Variants in CDYL observed in about 807,000 individuals in gnomAD.
CDYL encodes chromodomain Y-like protein.
CDYL carries 8 observed loss-of-function variants against 47.3 expected under a neutral mutation model. The ratio of observed to expected loss-of-function variants is 0.17; its 90% CI spans 0.10 to 0.31. The LOEUF (loss-of-function observed/expected upper bound fraction) is 0.31, where lower values mean the gene tolerates loss of function less well. CDYL is among the 10% of genes least tolerant of loss of function. The pLI is 1.00. For synonymous variants in CDYL, 266 were observed against 265.0 expected (o/e 1.00, Z -0.04); for missense variants, 471 against 701.4 (o/e 0.67, Z 3.71).
chr6:4,723,980 C>A (rs1167056415), intron 2 of CDYL, among the ~76,000 whole-genome samples: 1 of 152,132 alleles, frequency 6.6e-6, no homozygotes, highest in African/African-American at 2.4e-5. Flanking sequence ...TTTATGTATC[C>A]GTGAAATTAT....
rs183558709 is a variant in CDYL, at chr6:4,951,000, C to T, written c.1333-1266C>T. On this transcript the variant is annotated intron_variant, in intron 5 of 6. Coordinates refer to ENST00000397588, the MANE Select transcript of CDYL (RefSeq NM_004824.4). ...CCCCAGCCCTGTTTTCCAGCCTCTG[C>T]CTGCATGGGAGGGGCAGTGAGTCAG... Among the ~76,000 whole-genome samples, 36 of 152,028 alleles carry T rather than the reference C, an allele frequency of 2.4e-4. 1 individual carries two copies. The East Asian group carries it at 6.4e-3, about 27-fold the overall frequency.
intron 1 of CDYL, among the ~76,000 whole-genome samples, chr6:4,889,503 G>A (rs549384635): frequency 6.6e-6 from 1 of 152,052 alleles, no homozygotes; most frequent in Non-Finnish European, 1.5e-5. Context: ...AATTACAGGC[G>A]TGAGCCACCG....
intron 1 of CDYL, among the ~76,000 whole-genome samples, chr6:4,878,446 T>C (rs577159611): frequency 6.6e-6 from 1 of 151,974 alleles, no homozygotes; most frequent in South Asian, 2.1e-4. Context: ...ATGTATATTA[T>C]ATACAATTTT....
chr6:4,877,349 T>C (rs1035058544), intron 1 of CDYL, among the ~76,000 whole-genome samples: 1 of 152,260 alleles, frequency 6.6e-6, no homozygotes, highest in Admixed American at 6.5e-5. Flanking sequence ...AATCTTTTTT[T>C]AAATCAATTT....
intron 3 of CDYL, among the ~76,000 whole-genome samples, chr6:4,746,437 C>T (rs1295512304): frequency 1.3e-5 from 2 of 150,970 alleles, no homozygotes; most frequent in Admixed American, 1.3e-4. Context: ...TGAAGGAAAT[C>T]AATGAGTCTA....
intron 1 of CDYL, among the ~76,000 whole-genome samples, chr6:4,844,056 T>C (rs547354638): frequency 1.3e-5 from 2 of 152,146 alleles, no homozygotes; most frequent in Non-Finnish European, 2.9e-5. Flanking sequence ...CCCCTGGGGA[T>C]GTGGCTTTCT....
intron 1 of CDYL, among the ~76,000 whole-genome samples, chr6:4,808,429 C>T (rs1341460726): frequency 6.6e-6 from 1 of 152,232 alleles, no homozygotes; most frequent in African/African-American, 2.4e-5. Flanking sequence ...CCATACTCCG[C>T]TGTCTGTAAT....
chr6:4,731,051 T>A (rs1017819166), intron 2 of CDYL, among the ~76,000 whole-genome samples: 7 of 152,234 alleles, frequency 4.6e-5, no homozygotes, highest in Non-Finnish European at 1.0e-4. Context: ...GTGCAGGTAT[T>A]CCTTTGCTCA....
In CDYL at chr6:4,954,073, T is replaced by A; in HGVS notation, c.*17T>A. 1 of 1,610,178 alleles carries A rather than the reference T, an allele frequency of 6.2e-7. No homozygotes were observed. The highest frequency in any genetic ancestry group is 8.5e-7 in the Non-Finnish European group (1 of 1,177,448). ...GAGTTCTGAGTGTCGGGCTGCCCAC[T>A]GGTGACACCGGGATCGGGCTGAGCA... On this transcript the variant is annotated 3_prime_UTR_variant, in exon 7 of 7. Transcript: ENST00000397588.
intron 1 of CDYL, chr6:4,890,057 A>G: frequency 1.0e-6 from 1 of 985,506 alleles, no homozygotes. Flanking sequence ...CTCTAAGGAA[A>G]CAGAGGAAAG....
chr6:4,770,721 A>T lies in CDYL; in HGVS notation c.186+35877A>T, dbSNP rs72821444. 4.0e-3 allele frequency among the ~76,000 whole-genome samples: 604 copies of T among 152,318 alleles called. 2 individuals carry two copies. Among genetic ancestry groups the T allele is most frequent in the Non-Finnish European group, 6.6e-3 (450 of 68,036 alleles). On this transcript the variant is annotated intron_variant, in intron 3 of 8. Transcript: ENST00000328908. ...TATGTGTAATTCAGAAAGGAACGTG[A>T]TCTGAACACTTCTGTAGTAGTTATG...
intron 2 of CDYL, among the ~76,000 whole-genome samples, chr6:4,732,459 G>A (rs1305385629): frequency 1.3e-5 from 2 of 152,070 alleles, no homozygotes; most frequent in South Asian, 4.1e-4. Flanking sequence ...TTCAAGACCA[G>A]CCTGAGCAAC....
At chr6:4,820,289 C>T (rs940072232) in intron 1 of CDYL, among the ~76,000 whole-genome samples, 9 of 152,096 alleles carry the variant, frequency 5.9e-5, no homozygotes, top group African/African-American at 1.9e-4. Context: ...TGAAAGTGAT[C>T]GTGAAAAATA....
At chr6:4,927,505 T>C (rs36016075) in intron 2 of CDYL, among the ~76,000 whole-genome samples, 1 of 151,398 alleles carries the variant, frequency 6.6e-6, no homozygotes, top group African/African-American at 2.4e-5. Context: ...TGGAGTGCAG[T>C]GGTGTGATCT....
intron 1 of CDYL, among the ~76,000 whole-genome samples, chr6:4,805,005 C>T (rs1272087568): frequency 6.6e-6 from 1 of 152,064 alleles, no homozygotes; most frequent in African/African-American, 2.4e-5. Flanking sequence ...GCATGGTTAA[C>T]GGTGTTAGCT....
At chr6:4,947,094 C>G (rs1489244532) in intron 5 of CDYL, among the ~76,000 whole-genome samples, 2 of 152,234 alleles carry the variant, frequency 1.3e-5, no homozygotes, top group African/African-American at 4.8e-5. Flanking sequence ...CGTGTTTTCT[C>G]ACAGCTCCCA....
At chr6:4,945,460 A>T (rs1428424190) in intron 5 of CDYL, among the ~76,000 whole-genome samples, 2 of 152,034 alleles carry the variant, frequency 1.3e-5, no homozygotes, top group Non-Finnish European at 2.9e-5. Flanking sequence ...AGTTCCCCTC[A>T]CCCATAGCTC....
At chr6:4,836,394 T>G in intron 1 of CDYL, 1 of 357,134 alleles carries the variant, frequency 2.8e-6, no homozygotes, top group Non-Finnish European at 3.9e-6. Flanking sequence ...GTGTGATACA[T>G]TTTCTGTTTG....
At position 4,935,528 on chromosome 6, in the gene CDYL, C is replaced by A. The variant is rs770647906; in HGVS notation, c.705C>A (p.Phe235Leu). Reference sequence around the variant, plus strand: ...AACTCTCGGCAGGTACATCTCCGTTCATGGATGCATTAACAGCCAATGGGA... The same window carrying A: ...AACTCTCGGCAGGTACATCTCCGTTAATGGATGCATTAACAGCCAATGGGA... ...LAVNGKGTSP[F>L]MDALTANGTT... is the part of the protein sequence containing the mutation. The change falls in exon 3 of 7, where the codon TTC becomes TTA. Residue 235 changes from phenylalanine (F) to leucine (L), a missense_variant. By Grantham distance (22) the Phe-to-Leu change is conservative. Transcript: ENST00000397588. 1.2e-4 allele frequency: 201 copies of A among 1,614,050 alleles called. No homozygotes were observed. In the Middle Eastern group the frequency reaches 2.3e-3, roughly 18 times the overall value.
Sources: gnomAD v4.1 joint callset for allele counts (sites outside exome capture counted in the v4.1 genomes callset) on GRCh38, gnomAD v4.1.1 for gene constraint, MANE v1.5 for transcripts, NCBI Gene and HGNC (gene_info 2026-07-23, HGNC 2026-07-21) for gene names.